PFKM: variants seen among roughly 807,000 people sequenced by gnomAD.
The protein encoded by PFKM is ATP-dependent 6-phosphofructokinase, muscle type.
Under a neutral mutation model 95.5 loss-of-function variants are expected in PFKM, and 58 were observed. That is an observed-to-expected ratio of 0.61 (90% CI 0.49 to 0.76). PFKM has a LOEUF of 0.76. Ranked by LOEUF, PFKM falls within the 30% of genes least tolerant of loss-of-function variation. The probability of loss-of-function intolerance (pLI) is 0.00; values close to 1 mark genes in which losing one functional copy is unlikely to be tolerated. For missense variants in PFKM, 678 were observed against 1,005.4 expected (o/e 0.67, Z 4.40); for synonymous variants, 336 against 357.2 (o/e 0.94, Z 0.67).
chr12:48,119,340 ACCCCTC>A, upstream of PFKM: 1 of 983,792 alleles, frequency 1.0e-6, no homozygotes, highest in South Asian at 4.7e-5. Flanking sequence ...TTCGTCCATC[ACCCCTC>A]CCCCCTTTCC....
chr12:48,135,766 C>T (rs10219623), intron 10 of PFKM, among the ~76,000 whole-genome samples: 37,130 of 152,066 alleles, frequency 0.24, 4,906 homozygotes, highest in Non-Finnish European at 0.31. Context: ...AGTACAATAT[C>T]ATCACCAGGA....
At chr12:48,121,198 G>C (rs562342221) in intron 1 of PFKM, among the ~76,000 whole-genome samples, 2 of 152,202 alleles carry the variant, frequency 1.3e-5, no homozygotes, top group East Asian at 3.8e-4. Context: ...TTAAATGATG[G>C]AATGGGATGT....
chr12:48,108,366 G>A (rs542239946), intron 3 of PFKM, among the ~76,000 whole-genome samples: 1 of 152,112 alleles, frequency 6.6e-6, no homozygotes, highest in Non-Finnish European at 1.5e-5. Flanking sequence ...GAGAGAAAGA[G>A]AAAGAGGGAT....
intron 15 of PFKM, 138 bp from the exon 16 acceptor site, chr12:48,141,602 G>T: frequency 1.2e-6 from 1 of 806,510 alleles, no homozygotes; most frequent in Non-Finnish European, 2.2e-6. Context: ...GACTGAGAGG[G>T]TGGGCTAGGG....
intron 13 of PFKM, 70 bp from the exon 14 acceptor site, chr12:48,140,652 C>T: frequency 6.6e-7 from 1 of 1,525,646 alleles, no homozygotes; most frequent in Non-Finnish European, 9.1e-7. Context: ...CCTTGCCCTC[C>T]TTTACTAACC....
At chr12:48,108,062 T>C in intron 2 of PFKM, 1 of 1,599,288 alleles carries the variant, frequency 6.3e-7, no homozygotes, top group Non-Finnish European at 8.5e-7. Context: ...CTAAAGCTAT[T>C]GTTTCTCAGC....
chr12:48,131,485 A>C, intron 4 of PFKM, 92 bp downstream of exon 4: 2 of 900,030 alleles, frequency 2.2e-6, no homozygotes, highest in Non-Finnish European at 3.7e-6. Flanking sequence ...ATTCCCTGTC[A>C]TGTGGTTTCA....
chr12:48,118,194 C>G (rs528272522), upstream of PFKM, among the ~76,000 whole-genome samples: 1 of 152,252 alleles, frequency 6.6e-6, no homozygotes, highest in South Asian at 2.1e-4. Context: ...ACTAGTTTTT[C>G]AGATTAACTT....
At chr12:48,114,132 G>T (rs1947461865) in intron 3 of PFKM, among the ~76,000 whole-genome samples, 1 of 152,184 alleles carries the variant, frequency 6.6e-6, no homozygotes, top group African/African-American at 2.4e-5. Context: ...TGGAGGTGTG[G>T]TTCATGAAGC....
intron 2 of PFKM, among the ~76,000 whole-genome samples, chr12:48,129,226 T>C (rs868257055): frequency 0.017 from 2,140 of 122,288 alleles, 61 homozygotes; most frequent in African/African-American, 0.05. Context: ...TTTTTTTTTT[T>C]TTTTTTTTTT....
At chr12:48,123,466 A>C (rs928948359) in intron 2 of PFKM, among the ~76,000 whole-genome samples, 1 of 152,182 alleles carries the variant, frequency 6.6e-6, no homozygotes, top group Non-Finnish European at 1.5e-5. Context: ...GAATTTAAGA[A>C]ACCTGGGAGT....
chr12:48,118,669 A>G, upstream of PFKM: 4 of 742,528 alleles, frequency 5.4e-6, no homozygotes, highest in South Asian at 4.5e-5. Flanking sequence ...CCCAATTTAT[A>G]TGTTTGCTTC....
At chr12:48,126,768 A>G (rs750211251) in intron 2 of PFKM, among the ~76,000 whole-genome samples, 2 of 152,232 alleles carry the variant, frequency 1.3e-5, no homozygotes, top group Non-Finnish European at 2.9e-5. Flanking sequence ...CCAGGTATCC[A>G]GAAGAGAATC....
upstream of PFKM, among the ~76,000 whole-genome samples, chr12:48,115,730 G>C (rs77464865): frequency 0.011 from 1,650 of 152,210 alleles, 37 homozygotes; most frequent in African/African-American, 0.037. Flanking sequence ...TGTATCACAG[G>C]CCATTGGTCA....
chr12:48,145,874 G>C lies in PFKM; in HGVS notation c.*166G>C. 1.5e-6 allele frequency: 1 copy of C among 674,546 alleles called. No individual in the cohort carries two copies. The highest frequency in any genetic ancestry group is 1.8e-5 in the South Asian group (1 of 54,646). 41.8% of individuals were successfully genotyped at this position (674,546 alleles called of 1,614,324 possible). ...CCAGGAGCTGGAGGAGCAGGCAGTG[G>C]GTGGGAGCTCCTTTTAGGTAGAATT... On this transcript the variant is annotated 3_prime_UTR_variant, in exon 23 of 23. Coordinates refer to ENST00000359794, the MANE Select transcript of PFKM (RefSeq NM_000289.6). This position sits in a 1 kb window ranked among gnomAD's most constrained non-coding sequence, Gnocchi z 4.3.
upstream of PFKM, among the ~76,000 whole-genome samples, chr12:48,117,507 T>G (rs1159275772): frequency 6.6e-6 from 1 of 152,256 alleles, no homozygotes; most frequent in Non-Finnish European, 1.5e-5. Context: ...GATTTTTGAA[T>G]TTTAATCATT....
chr12:48,116,101 C>A (rs1360538106), upstream of PFKM, among the ~76,000 whole-genome samples: 1 of 151,886 alleles, frequency 6.6e-6, no homozygotes, highest in Non-Finnish European at 1.5e-5. Context: ...ACTTTTCTTT[C>A]TTTTTCCTTT....
chr12:48,139,865 T>C lies in PFKM; in HGVS notation c.1144T>C (p.Trp382Arg). ...TTCCTACAGGAGCTTCATGAACAAC[T>C]GGGAGGTGTACAAGCTTCTAGCTCA... ...KLRGRSFMNNWEVYKLLAHVR... is the reference protein window; with the variant it reads ...KLRGRSFMNNREVYKLLAHVR... Residue 382 changes from tryptophan to arginine, a missense_variant, in exon 13 of 23, where the codon TGG (tryptophan) becomes CGG (arginine). Trp to Arg is a moderately radical substitution (Grantham distance 101, BLOSUM62 -3). Coordinates refer to ENST00000359794, the MANE Select transcript of PFKM (RefSeq NM_000289.6). 1 of 1,612,034 alleles carries C rather than the reference T, an allele frequency of 6.2e-7. No individual in the cohort carries two copies.
chr12:48,130,941 T>C (rs908564971), intron 3 of PFKM, among the ~76,000 whole-genome samples: 4 of 152,182 alleles, frequency 2.6e-5, no homozygotes, highest in Admixed American at 2.0e-4. Context: ...GCAAGTCGCG[T>C]TTCTTTCCTT....
Sources: gnomAD v4.1 joint callset for allele counts (sites outside exome capture counted in the v4.1 genomes callset) on GRCh38, gnomAD v4.1.1 for gene constraint, Gnocchi (gnomAD v3.1) non-coding constraint, MANE v1.5 for transcripts, NCBI Gene and HGNC (gene_info 2026-07-23, HGNC 2026-07-21) for gene names.